Variants in CHD7 observed in about 807,000 individuals in gnomAD.
CHD7 encodes the protein ATP-dependent chromatin remodeler CHD7.
In CHD7, 24 loss-of-function variants were observed where a neutral mutation model predicts 307.3. The ratio of observed to expected loss-of-function variants is 0.08; its 90% CI spans 0.06 to 0.11. The LOEUF is 0.11. Among genes scored for constraint, CHD7 ranks in the 10% least tolerant of loss-of-function variants. The pLI, the probability that CHD7 is intolerant of heterozygous loss-of-function variation, is 1.00. For synonymous variants in CHD7, 1,363 were observed against 1,349.9 expected (o/e 1.01, Z -0.21); for missense variants, 3,106 against 3,727.1 (o/e 0.83, Z 4.34).
chr8:60,791,139 G>A (rs143035471), intron 3 of CHD7, among the ~76,000 whole-genome samples: 1 of 152,292 alleles, frequency 6.6e-6, no homozygotes, highest in African/African-American at 2.4e-5. Context: ...GGTTACTCTG[G>A]TGACTTGAGA....
intron 9 of CHD7, 91 bp from the exon 10 acceptor site, chr8:60,821,693 CATATCT>C: frequency 1.0e-6 from 1 of 977,986 alleles, no homozygotes; most frequent in Non-Finnish European, 1.5e-6. Flanking sequence ...TACACACATA[CATATCT>C]ATATGTATAA....
At chr8:60,736,087 C>G (rs1028482161) in intron 1 of CHD7, among the ~76,000 whole-genome samples, 4 of 152,186 alleles carry the variant, frequency 2.6e-5, no homozygotes, top group African/African-American at 9.7e-5. Context: ...CCTTGGCCAA[C>G]CCAGGGGGTT....
intron 1 of CHD7, among the ~76,000 whole-genome samples, chr8:60,689,343 A>G (rs1806077843): frequency 6.6e-6 from 1 of 152,246 alleles, no homozygotes; most frequent in South Asian, 2.1e-4. Flanking sequence ...AGTTTGTGTC[A>G]GTTAGCATTT....
rs572471940 is a variant in CHD7 at position 60,776,835 on chromosome 8, A to G, written c.1666-4165A>G. On this transcript the variant is annotated intron_variant, in intron 2 of 37. Transcript: ENST00000423902. ...TTTTTTGAAGAGTGTAGAGGGGTCAAGAACCTGGGGAATACTGGAAAAAAT... is the reference window on the plus strand; with the variant it reads ...TTTTTTGAAGAGTGTAGAGGGGTCAGGAACCTGGGGAATACTGGAAAAAAT... Among the ~76,000 whole-genome samples the G allele has an allele frequency of 3.3e-5, 5 of 152,322 alleles. No individual in the cohort carries two copies. The East Asian group carries it at 5.8e-4, about 18-fold the overall frequency.
At chr8:60,784,403 T>C (rs570561820) in intron 3 of CHD7, among the ~76,000 whole-genome samples, 1 of 152,236 alleles carries the variant, frequency 6.6e-6, no homozygotes, top group African/African-American at 2.4e-5. Context: ...ACAGAACTGC[T>C]GACATCTTTA....
At chr8:60,861,611 C>T (rs1805977975) in intron 35 of CHD7, 1 of 155,168 alleles carries the variant, frequency 6.4e-6, no homozygotes, top group Non-Finnish European at 1.4e-5. Context: ...AAACGTTAGA[C>T]AGTTCATATC....
chr8:60,862,912 G>A, intron 37 of CHD7: 1 of 431,104 alleles, frequency 2.3e-6, no homozygotes, highest in East Asian at 4.0e-5. Context: ...CTCCAGGGGG[G>A]ATTGCCCCAG....
chr8:60,840,354 T>C (rs1804917393), intron 19 of CHD7, among the ~76,000 whole-genome samples: 1 of 152,294 alleles, frequency 6.6e-6, no homozygotes, highest in East Asian at 1.9e-4. Flanking sequence ...GCCAAACTTA[T>C]CACCCCTGTC....
intron 1 of CHD7, among the ~76,000 whole-genome samples, chr8:60,709,445 T>A (rs1045395865): frequency 1.3e-5 from 2 of 152,226 alleles, no homozygotes; most frequent in Non-Finnish European, 2.9e-5. Flanking sequence ...TTTGGTTGAA[T>A]TGAAAATTAA....
At chr8:60,780,905 GAAT>G in intron 2 of CHD7, 92 bp from the exon 3 acceptor site, 1 of 1,170,386 alleles carries the variant, frequency 8.5e-7, no homozygotes, top group Non-Finnish European at 1.1e-6. Flanking sequence ...CCTGAGTATA[GAAT>G]AAGTTTCAGA....
At chr8:60,756,295 C>G (rs1809888934) in intron 2 of CHD7, among the ~76,000 whole-genome samples, 1 of 152,120 alleles carries the variant, frequency 6.6e-6, no homozygotes, top group African/African-American at 2.4e-5. Flanking sequence ...TATCTCGTGT[C>G]TTTGGCCTTG....
At chr8:60,699,227 T>C (rs185305654) in intron 1 of CHD7, among the ~76,000 whole-genome samples, 43 of 152,346 alleles carry the variant, frequency 2.8e-4, no homozygotes, top group African/African-American at 9.4e-4. Context: ...TTCTAGATTT[T>C]CCCATGTGTC....
chr8:60,819,056 C>A (rs572277562), intron 8 of CHD7, among the ~76,000 whole-genome samples: 1 of 152,114 alleles, frequency 6.6e-6, no homozygotes, highest in Non-Finnish European at 1.5e-5. Flanking sequence ...CGGGTTCAGG[C>A]GATTCTCCTG....
chr8:60,851,517 A>G lies in CHD7; in HGVS notation c.5665+198A>G, dbSNP rs4342642. On this transcript the variant is annotated intron_variant, in intron 28 of 37. Transcript: ENST00000423902. ...ATTGAATTTCTTAGATAGGATAACT[A>G]TTTCTTTGATGATAATTAGCTGATT... Among the ~76,000 whole-genome samples, 103,864 of 152,116 alleles carry G rather than the reference A, an allele frequency of 0.68. 35,807 individuals are homozygous for G. Among genetic ancestry groups the G allele is most frequent in the East Asian group, 0.78 (4,023 of 5,180 alleles).
At chr8:60,699,374 A>G (rs570104116) in intron 1 of CHD7, among the ~76,000 whole-genome samples, 3 of 152,340 alleles carry the variant, frequency 2.0e-5, no homozygotes, top group East Asian at 1.9e-4. Context: ...ATATAACCCA[A>G]TATCTTAATG....
intron 1 of CHD7, among the ~76,000 whole-genome samples, chr8:60,734,097 T>G (rs571608088): frequency 1.8e-3 from 268 of 152,386 alleles, no homozygotes; most frequent in African/African-American, 6.2e-3. Flanking sequence ...GACTACTTTC[T>G]TTAAGTGACA....
intron 2 of CHD7, among the ~76,000 whole-genome samples, chr8:60,774,910 C>A (rs561962321): frequency 1.3e-5 from 2 of 152,084 alleles, no homozygotes; most frequent in Non-Finnish European, 2.9e-5. Context: ...TCACTCCACT[C>A]CTAAATATGG....
chr8:60,729,695 A>G (rs1343278618), intron 1 of CHD7, among the ~76,000 whole-genome samples: 4 of 152,258 alleles, frequency 2.6e-5, no homozygotes, highest in African/African-American at 4.8e-5. Flanking sequence ...TCGAAGCTTC[A>G]TAGGTAAACT....
chr8:60,742,185 C>T lies in CHD7; in HGVS notation c.753C>T (p.His251=). 1 of 1,613,954 alleles carries T rather than the reference C, an allele frequency of 6.2e-7. No individual in the cohort carries two copies. The highest frequency in any genetic ancestry group is 8.5e-7 in the Non-Finnish European group (1 of 1,179,874). The stretch of plus-strand genomic sequence containing the variant: ...CCAGCATGGCACCTTCCTTGCGTCA[C>T]TCGGTGCAGCAGTTCCATCACCACC... The part of the protein sequence containing the change: ...QSPSMAPSLR[H]SVQQFHHHPS... Residue 251 remains histidine, a synonymous_variant, in exon 2 of 38, where the codon CAC becomes CAT. Coordinates refer to ENST00000423902, the MANE Select transcript of CHD7 (RefSeq NM_017780.4).
Sources: allele counts gnomAD v4.1 joint callset (sites outside exome capture counted in the v4.1 genomes callset), GRCh38; gene constraint gnomAD v4.1.1; transcripts MANE v1.5; gene names NCBI Gene and HGNC (gene_info 2026-07-23, HGNC 2026-07-21).